ARHGEF1: variants seen among roughly 807,000 people sequenced by gnomAD.
ARHGEF1 encodes the protein 115 kDa guanine nucleotide exchange factor.
ARHGEF1 carries 40 observed loss-of-function variants against 119.7 expected under a neutral mutation model. That is an observed-to-expected ratio of 0.33 (90% CI 0.26 to 0.44). ARHGEF1 has a LOEUF of 0.44. ARHGEF1 is among the 20% of genes least tolerant of loss of function. The pLI, the probability that ARHGEF1 is intolerant of heterozygous loss-of-function variation, is 1.00. For missense variants in ARHGEF1, 976 were observed against 1,268.3 expected (o/e 0.77, Z 3.50); for synonymous variants, 494 against 521.0 (o/e 0.95, Z 0.71).
At chr19:41,929,501 C>G (rs904481374) in intron 2 of ARHGEF1, among the ~76,000 whole-genome samples, 1 of 152,168 alleles carries the variant, frequency 6.6e-6, no homozygotes, top group Non-Finnish European at 1.5e-5. Flanking sequence ...CCCGGCCGGC[C>G]GGACCTCCTG....
At position 41,905,943 on chromosome 19, in the gene ARHGEF1, G is replaced by A. The variant is rs2074688045; in HGVS notation, c.2409G>A (p.Arg803=). 6.2e-7 allele frequency: 1 copy of A among 1,614,116 alleles called. No homozygotes were observed. The highest frequency in any genetic ancestry group is 8.5e-7 in the Non-Finnish European group (1 of 1,180,012). The stretch of plus-strand genomic sequence containing the variant: ...CCTCTCTGTTCCCCAATCCAGCCCG[G>A]ACCGAGAGAATCCTCAGTGACCTCC... ...GGRETSPADA[R]TERILSDLLP... is the part of the protein sequence containing the mutation. The change falls in exon 26 of 29, where the codon CGG becomes CGA. Residue 803 remains arginine (R), a synonymous_variant. Transcript: ENST00000354532. This position sits in a 1 kb window ranked among gnomAD's most constrained non-coding sequence, Gnocchi z 6.4.
intron 9 of ARHGEF1, 29 bp downstream of exon 9, chr19:41,894,335 C>A (rs1568814792): frequency 6.6e-7 from 1 of 1,521,948 alleles, no homozygotes; most frequent in South Asian, 1.3e-5. Context: ...CGTCCTGACC[C>A]TTTCCTCTCC....
At chr19:41,887,956 TG>T in intron 1 of ARHGEF1, 107 bp from the exon 2 acceptor site, 1 of 1,251,800 alleles carries the variant, frequency 8.0e-7, no homozygotes, top group Non-Finnish European at 1.1e-6. Context: ...GAGGCTGGGA[TG>T]GGGGAGGCTG....
downstream of ARHGEF1, chr19:41,908,170 G>T: frequency 8.2e-7 from 1 of 1,213,372 alleles, no homozygotes; most frequent in Non-Finnish European, 1.0e-6. The surrounding 1 kb of genome is among the most constrained non-coding windows in gnomAD (Gnocchi z 6.7). Context: ...AGGCATCAAG[G>T]GCAGACGGGC....
In ARHGEF1 at chr19:41,888,396, A is replaced by T; in HGVS notation, c.111+118A>T. 9.9e-7 allele frequency: 1 copy of T among 1,014,398 alleles called. No homozygotes were observed. Among genetic ancestry groups the T allele is most frequent in the Non-Finnish European group, 1.5e-6 (1 of 681,104 alleles). The allele number at this position is 1,014,398 out of a possible 1,614,324, so 62.8% of individuals were successfully genotyped here. A position where few individuals can be genotyped will look rare whatever the true frequency, so the allele number is the denominator to read the frequency against. ...TTCCCACGGTCTGTCTCATCCTCTCATCTCCCTGGTACCTCCTTCCTCACC... is the reference window on the plus strand; with the variant it reads ...TTCCCACGGTCTGTCTCATCCTCTCTTCTCCCTGGTACCTCCTTCCTCACC... On this transcript the variant is annotated intron_variant, in intron 3 of 28. Coordinates refer to ENST00000354532, the MANE Select transcript of ARHGEF1 (RefSeq NM_004706.4). The surrounding 1 kb of genome is among the most constrained non-coding windows in gnomAD (Gnocchi z 5.1).
chr19:41,914,574 C>CCCTCCCCTTCCACCATCTCCGTCTCT (rs1568831580), intron 18 of ARHGEF1, among the ~76,000 whole-genome samples: 1 of 17,932 alleles, frequency 5.6e-5, no homozygotes, highest in Admixed American at 7.7e-4. Context: ...TCTCTGTCTC[C>CCCTCCCCTTCCACCATCTCCGTCTCT]GTCTCTCCCT....
chr19:41,897,836 C>T (rs2074538027), intron 13 of ARHGEF1: 2 of 1,164,298 alleles, frequency 1.7e-6, no homozygotes, highest in South Asian at 5.9e-5. Context: ...CCTGGTCTCT[C>T]CCCGTCTCTG....
intron 18 of ARHGEF1, among the ~76,000 whole-genome samples, chr19:41,913,513 AG>A (rs1160508480): frequency 1.3e-5 from 2 of 149,536 alleles, no homozygotes; most frequent in East Asian, 4.0e-4. Context: ...GACGGGCTGC[AG>A]GGGGGCAGGC....
intron 8 of ARHGEF1, 72 bp from the exon 9 acceptor site, chr19:41,894,135 A>AGTGTGTGTGT (rs35797687): frequency 0.034 from 16,677 of 484,880 alleles, 830 homozygotes; most frequent in African/African-American, 0.19. Flanking sequence ...TGTGTGTGTG[A>AGTGTGTGTGT]GTGTGTGTGT....
downstream of ARHGEF1, chr19:41,908,176 C>T (rs1319744290): frequency 3.0e-5 from 37 of 1,218,742 alleles, 1 homozygote; most frequent in Middle Eastern, 3.1e-4. The surrounding 1 kb of genome is among the most constrained non-coding windows in gnomAD (Gnocchi z 6.7). Context: ...CAAGGGCAGA[C>T]GGGCAGCCAC....
At chr19:41,908,225 G>A (rs376388072), downstream of ARHGEF1, 71 of 1,231,730 alleles carry the variant, frequency 5.8e-5, 1 homozygote, top group Admixed American at 8.4e-4. The surrounding 1 kb of genome is among the most constrained non-coding windows in gnomAD (Gnocchi z 6.7). Flanking sequence ...GCCCCCTGCC[G>A]GCTCAGCTGC....
Position 41,892,056 on chromosome 19 carries a change from C to T in ARHGEF1, c.257C>T (p.Ser86Leu). Residue 86 changes from serine to leucine, a missense_variant, in exon 5 of 29, where the codon TCA becomes TTA. Ser to Leu is a moderately radical substitution (Grantham distance 145, BLOSUM62 -2). Coordinates refer to ENST00000354532, the MANE Select transcript of ARHGEF1 (RefSeq NM_004706.4). This position sits in a 1 kb window ranked among gnomAD's most constrained non-coding sequence, Gnocchi z 6.3. ...TGTCTGCATGCCGACATGCTGGGCT[C>T]ACTGGGCCCCAAGGAGGCCAAGAAG... is the stretch of plus-strand genomic sequence containing the variant. ...LCCLHADMLG[S>L]LGPKEAKKAF... 1 of 1,612,606 alleles carries T rather than the reference C, an allele frequency of 6.2e-7. No individual in the cohort carries two copies. Among genetic ancestry groups the T allele is most frequent in the Non-Finnish European group, 8.5e-7 (1 of 1,178,948 alleles).
At chr19:41,897,905 C>A in intron 13 of ARHGEF1, 2 of 1,285,824 alleles carry the variant, frequency 1.6e-6, no homozygotes, top group Non-Finnish European at 2.0e-6. Context: ...TGTCTCTGTC[C>A]CCGGCATCTG....
In ARHGEF1 at chr19:41,917,927, T is replaced by C. The variant is rs1555852087; in HGVS notation, c.1866-5165T>C. 6.6e-6 allele frequency among the ~76,000 whole-genome samples: 1 copy of C among 151,752 alleles called. No homozygotes were observed. ...GCCAGCTCCCCGCGGTCACACACTGTGTGTGTGTGTGCTCACACACCTGTC... is the reference window on the plus strand; with the variant it reads ...GCCAGCTCCCCGCGGTCACACACTGCGTGTGTGTGTGCTCACACACCTGTC... On this transcript the variant is annotated intron_variant, in intron 18 of 20. Transcript: ENST00000599589. This position sits in a 1 kb window ranked among gnomAD's most constrained non-coding sequence, Gnocchi z 4.8.
rs565228417 is a variant in ARHGEF1 at position 41,892,224 on chromosome 19, A to G, written c.324+101A>G. The G allele has an allele frequency of 1.3e-6, 2 of 1,567,810 alleles. No homozygotes were observed. Among genetic ancestry groups the G allele is most frequent in the African/African-American group, 2.7e-5 (2 of 74,030 alleles). ...CTGCCCTGAGGGCAGCTGCTGACCC[A>G]GGCCTTCCCCAGCACCCTCGCTTAG... is the stretch of plus-strand genomic sequence containing the variant. On this transcript the variant is annotated intron_variant, in intron 5 of 28. Coordinates refer to ENST00000354532, the MANE Select transcript of ARHGEF1 (RefSeq NM_004706.4). This position sits in a 1 kb window ranked among gnomAD's most constrained non-coding sequence, Gnocchi z 6.3.
Position 41,907,351 on chromosome 19 carries a change from G to A in ARHGEF1, c.*264G>A. 1.3e-6 allele frequency: 2 copies of A among 1,535,294 alleles called. No individual in the cohort carries two copies. Among genetic ancestry groups the A allele is most frequent in the South Asian group, 2.4e-5 (2 of 83,956 alleles). On this transcript the variant is annotated 3_prime_UTR_variant, in exon 29 of 29. Transcript: ENST00000354532. ...CGGTGACCCGGGCCATCTCAGTATTGCCTGTGGGGGCCACCCCTCCACCCC... is the reference window on the plus strand; with the variant it reads ...CGGTGACCCGGGCCATCTCAGTATTACCTGTGGGGGCCACCCCTCCACCCC...
downstream of ARHGEF1, chr19:41,907,940 GC>G: frequency 3.4e-6 from 1 of 296,862 alleles, no homozygotes; most frequent in East Asian, 5.3e-5. Flanking sequence ...GGGTGGGCGG[GC>G]GGGGCAGGCT....
chr19:41,908,972 T>A, downstream of ARHGEF1: 1 of 845,776 alleles, frequency 1.2e-6, no homozygotes, highest in East Asian at 3.4e-5. The surrounding 1 kb of genome is among the most constrained non-coding windows in gnomAD (Gnocchi z 6.7). Context: ...CTTCCCCATC[T>A]CTTCTCTTGT....
upstream of ARHGEF1, among the ~76,000 whole-genome samples, chr19:41,921,266 G>A (rs1555852460): frequency 1.4e-4 from 22 of 152,266 alleles, 1 homozygote. This position sits in a 1 kb window ranked among gnomAD's most constrained non-coding sequence, Gnocchi z 4.4. Flanking sequence ...GGGGCACAGA[G>A]AAGGGGAGAC....
Sources: allele counts gnomAD v4.1 joint callset (sites outside exome capture counted in the v4.1 genomes callset), GRCh38; gene constraint gnomAD v4.1.1; non-coding constraint Gnocchi (gnomAD v3.1); transcripts MANE v1.5; gene names NCBI Gene and HGNC (gene_info 2026-07-23, HGNC 2026-07-21).